CDH11: variants seen among roughly 807,000 people sequenced by gnomAD.
CDH11 encodes the protein cadherin 11.
In CDH11, 11 loss-of-function variants were observed where a neutral mutation model predicts 67.8. The observed-to-expected ratio is 0.16, with a 90% CI of 0.10 to 0.27. The LOEUF is 0.27. Among genes scored for constraint, CDH11 ranks in the 10% least tolerant of loss-of-function variants. The pLI is 1.00. For synonymous variants in CDH11, 419 were observed against 400.0 expected (o/e 1.05, Z -0.57); for missense variants, 847 against 1,031.2 (o/e 0.82, Z 2.45).
chr16:64,995,050 A>G (rs1002232472), intron 4 of CDH11, among the ~76,000 whole-genome samples: 1 of 152,204 alleles, frequency 6.6e-6, no homozygotes, highest in African/African-American at 2.4e-5. Context: ...TGCTGAAAGA[A>G]ATCATAGATG....
chr16:65,014,735 G>A (rs1188830562), intron 2 of CDH11, among the ~76,000 whole-genome samples: 6 of 152,116 alleles, frequency 3.9e-5, no homozygotes, highest in African/African-American at 1.4e-4. Flanking sequence ...ACGGTTTTAG[G>A]AACTGAAAAG....
intron 2 of CDH11, among the ~76,000 whole-genome samples, chr16:65,035,790 G>T (rs190235719): frequency 6.6e-6 from 1 of 152,308 alleles, no homozygotes; most frequent in East Asian, 1.9e-4. Context: ...AAAGCATTAA[G>T]TCATACCTAG....
At chr16:64,980,408 T>TG in intron 8 of CDH11, among the ~76,000 whole-genome samples, 1 of 152,224 alleles carries the variant, frequency 6.6e-6, no homozygotes, top group East Asian at 1.9e-4. Context: ...TGATGTAGCC[T>TG]GGGGGGTGAG....
At chr16:64,963,972 G>C (rs1010349489) in intron 11 of CDH11, among the ~76,000 whole-genome samples, 1 of 152,152 alleles carries the variant, frequency 6.6e-6, no homozygotes, top group Non-Finnish European at 1.5e-5. Flanking sequence ...TCTTTAGAGG[G>C]AAGAACATGG....
At chr16:65,023,553 G>T (rs1370203273) in intron 2 of CDH11, among the ~76,000 whole-genome samples, 1 of 152,186 alleles carries the variant, frequency 6.6e-6, no homozygotes, top group Non-Finnish European at 1.5e-5. Context: ...TAAAAGAGTG[G>T]CTACTCCATA....
intron 2 of CDH11, among the ~76,000 whole-genome samples, chr16:65,045,679 A>G (rs2073950865): frequency 6.6e-6 from 1 of 152,138 alleles, no homozygotes. Flanking sequence ...TCTGTGGCTC[A>G]AGAATCACGT....
At chr16:65,055,867 A>C (rs1369783994) in intron 1 of CDH11, among the ~76,000 whole-genome samples, 1 of 152,206 alleles carries the variant, frequency 6.6e-6, no homozygotes, top group African/African-American at 2.4e-5. Context: ...TAGTATTCAG[A>C]GGTGGGGCCT....
At chr16:65,061,419 C>T (rs1486137919) in intron 1 of CDH11, among the ~76,000 whole-genome samples, 1 of 152,114 alleles carries the variant, frequency 6.6e-6, no homozygotes, top group Non-Finnish European at 1.5e-5. Flanking sequence ...TTTTCAAGGA[C>T]TGTAATAATG....
In CDH11 at chr16:64,998,694, C is replaced by A. The variant is rs1216885910; in HGVS notation, c.391G>T (p.Val131Leu). The stretch of plus-strand genomic sequence containing the variant: ...AGTGGCCGATTGGTGTCCCTGTCCA[C>A]CGCCTGAGCCATCAACGTGTACTGG... Reference protein sequence around the residue: ...RAQYTLMAQAVDRDTNRPLEP... With the variant: ...RAQYTLMAQALDRDTNRPLEP... Residue 131 changes from valine to leucine, a missense_variant, in exon 4 of 13, where the codon GTG becomes TTG. By Grantham distance (32) the Val-to-Leu change is conservative. Around this residue, in one of 2 missense-constraint regions of CDH11, gnomAD observed 235 missense variants for 352.5 expected, o/e 0.67. Transcript: ENST00000268603. 8 of 1,614,136 alleles carry A rather than the reference C, an allele frequency of 5.0e-6. No individual in the cohort carries two copies. Among genetic ancestry groups the A allele is most frequent in the Non-Finnish European group, 6.8e-6 (8 of 1,180,026 alleles).
intron 8 of CDH11, 41 bp from the exon 9 acceptor site, chr16:64,973,081 A>G: frequency 6.3e-7 from 1 of 1,590,282 alleles, no homozygotes; most frequent in Non-Finnish European, 8.6e-7. Flanking sequence ...CAAGACATTC[A>G]GAGCAGCTTA....
intron 2 of CDH11, among the ~76,000 whole-genome samples, chr16:65,014,082 A>C (rs996746715): frequency 6.6e-6 from 1 of 152,240 alleles, no homozygotes; most frequent in African/African-American, 2.4e-5. Context: ...GCGTAAATAC[A>C]TATTTTAACC....
At chr16:64,988,736 G>A (rs2142482566) in intron 6 of CDH11, among the ~76,000 whole-genome samples, 1 of 152,152 alleles carries the variant, frequency 6.6e-6, no homozygotes, top group Admixed American at 6.5e-5. Context: ...GCTCACTTAT[G>A]GTATTGCGAA....
At chr16:65,032,110 G>C (rs2073654862) in intron 2 of CDH11, among the ~76,000 whole-genome samples, 1 of 152,168 alleles carries the variant, frequency 6.6e-6, no homozygotes, top group Admixed American at 6.5e-5. Context: ...TTGCAAACCT[G>C]TAATGCTAGA....
chr16:65,071,936 C>G (rs1869060069), intron 1 of CDH11: 1 of 152,226 alleles, frequency 6.6e-6, no homozygotes, highest in Non-Finnish European at 1.5e-5. Context: ...TTGCTGGGAT[C>G]TATGCGCCAC....
intron 2 of CDH11, among the ~76,000 whole-genome samples, chr16:65,033,423 G>A (rs2073686279): frequency 6.6e-6 from 1 of 152,068 alleles, no homozygotes; most frequent in South Asian, 2.1e-4. Context: ...CCTTAGATGA[G>A]CCATTTAAAA....
rs1446749735 is a variant in CDH11 at position 64,947,061 on chromosome 16, T to A, written c.*542A>T. 1 of 1,032,794 alleles carries A rather than the reference T, an allele frequency of 9.7e-7. No homozygotes were observed. Among genetic ancestry groups the A allele is most frequent in the East Asian group, 6.1e-5 (1 of 16,398 alleles). The allele number at this position is 1,032,794 out of a possible 1,614,324, so 64.0% of individuals were successfully genotyped here. A position where few individuals can be genotyped will look rare whatever the true frequency, so the allele number is the denominator to read the frequency against. On this transcript the variant is annotated 3_prime_UTR_variant, in exon 13 of 13. Transcript: ENST00000268603. ...GTAGAAGCAAAAAGATTTACAAGAATCAGCAGTAACAAGATTGATGCTCAA... is the reference window on the plus strand; with the variant it reads ...GTAGAAGCAAAAAGATTTACAAGAAACAGCAGTAACAAGATTGATGCTCAA...
rs2071195861 is a variant in CDH11, at chr16:64,946,341, C to T, written c.*1262G>A. 1 of 1,038,866 alleles carries T rather than the reference C, an allele frequency of 9.6e-7. No homozygotes were observed. The highest frequency in any genetic ancestry group is 1.2e-6 in the Non-Finnish European group (1 of 863,156). The allele number at this position is 1,038,866 out of a possible 1,614,324, so 64.4% of individuals were successfully genotyped here. Reference sequence around the variant, plus strand: ...ATTTATATTTTTGACTCTAGTCCCCCAGTTCCCCAGTGCTCAGTGTGGGGC... The same window carrying T: ...ATTTATATTTTTGACTCTAGTCCCCTAGTTCCCCAGTGCTCAGTGTGGGGC... On this transcript the variant is annotated 3_prime_UTR_variant, in exon 13 of 13. Transcript: ENST00000268603.
chr16:65,085,066 T>C (rs2074672993), intron 1 of CDH11, among the ~76,000 whole-genome samples: 2 of 152,100 alleles, frequency 1.3e-5, no homozygotes, highest in African/African-American at 4.8e-5. Context: ...CCTGCCACCA[T>C]GCCTGGCTAA....
At chr16:65,028,834 G>A (rs1203363538) in intron 2 of CDH11, among the ~76,000 whole-genome samples, 2 of 152,298 alleles carry the variant, frequency 1.3e-5, no homozygotes, top group Admixed American at 6.5e-5. Flanking sequence ...GTCACAGACA[G>A]ACAAGTACTG....
Sources: gnomAD v4.1 joint callset for allele counts (sites outside exome capture counted in the v4.1 genomes callset) on GRCh38, gnomAD v4.1.1 for gene constraint, gnomAD v4.1.1 regional missense constraint, MANE v1.5 for transcripts, NCBI Gene and HGNC (gene_info 2026-07-23, HGNC 2026-07-21) for gene names.